The following PPP2R2B variants were observed in gnomAD, a reference collection of about 807,000 sequenced individuals.
PPP2R2B encodes the protein protein phosphatase 2 regulatory subunit Bbeta.
In PPP2R2B, 5 loss-of-function variants were observed where a neutral mutation model predicts 46.0. That is an observed-to-expected ratio of 0.11 (90% CI 0.06 to 0.23). PPP2R2B has a LOEUF of 0.23. PPP2R2B is among the 10% of genes least tolerant of loss of function. PPP2R2B has a pLI of 1.00. For missense variants in PPP2R2B, 367 were observed against 575.0 expected, an observed-to-expected ratio of 0.64 and a Z score of 3.70; for synonymous variants, 215 against 206.7, an observed-to-expected ratio of 1.04 and a Z score of -0.34.
At chr5:146,653,139 A>G (rs1027403312) in intron 5 of PPP2R2B, among the ~76,000 whole-genome samples, 1 of 152,172 alleles carries the variant, frequency 6.6e-6, no homozygotes, top group African/African-American at 2.4e-5. Context: ...GAGAGAGGCT[A>G]AGTCACTGGC....
At chr5:146,792,415 A>G (rs1756257316) in intron 2 of PPP2R2B, among the ~76,000 whole-genome samples, 1 of 152,176 alleles carries the variant, frequency 6.6e-6, no homozygotes, top group Admixed American at 6.5e-5. Flanking sequence ...ACCACTTACT[A>G]TATGCCAAGT....
intron 2 of PPP2R2B, among the ~76,000 whole-genome samples, chr5:146,866,804 T>C (rs1007924941): frequency 2.0e-5 from 3 of 152,134 alleles, no homozygotes; most frequent in African/African-American, 7.2e-5. Flanking sequence ...TTCCTCATGA[T>C]CATAATTACA....
chr5:146,721,012 C>T lies in PPP2R2B; in HGVS notation c.71-19870G>A, dbSNP rs77579066. Reference sequence around the variant, plus strand: ...ACCACTCCAAAATGTTTTAGAGAAACAGATAATTTATTTTTTATTTCTTGA... The same window carrying T: ...ACCACTCCAAAATGTTTTAGAGAAATAGATAATTTATTTTTTATTTCTTGA... On this transcript the variant is annotated intron_variant, in intron 2 of 9. Transcript: ENST00000394411. Among the ~76,000 whole-genome samples the T allele has an allele frequency of 1.0e-3, 153 of 152,274 alleles. 1 individual carries two copies. In the East Asian group the frequency reaches 0.015, roughly 15 times the overall value.
chr5:146,673,995 A>G (rs146862486), intron 5 of PPP2R2B, among the ~76,000 whole-genome samples: 1 of 152,266 alleles, frequency 6.6e-6, no homozygotes, highest in Non-Finnish European at 1.5e-5. Context: ...ATAAACTCTG[A>G]CCATACGACC....
intron 2 of PPP2R2B, among the ~76,000 whole-genome samples, chr5:146,761,397 A>G (rs917664635): frequency 3.3e-5 from 5 of 152,190 alleles, no homozygotes; most frequent in African/African-American, 1.2e-4. Flanking sequence ...CATCATTCTC[A>G]GCAAACTATC....
intron 2 of PPP2R2B, among the ~76,000 whole-genome samples, chr5:147,079,446 A>ATG (rs1491499117): frequency 1.3e-3 from 5 of 3,906 alleles, no homozygotes; most frequent in Non-Finnish European, 4.6e-3. Flanking sequence ...ATATATATAC[A>ATG]TATATATATA....
At chr5:147,016,360 T>TG (rs201476830) in intron 1 of PPP2R2B, among the ~76,000 whole-genome samples, 48 of 151,420 alleles carry the variant, frequency 3.2e-4, no homozygotes, top group African/African-American at 6.0e-4. Context: ...ATAGCAGTTT[T>TG]GGGGGGGACA....
intron 1 of PPP2R2B, among the ~76,000 whole-genome samples, chr5:147,018,470 A>ATG (rs1755114072): frequency 1.3e-5 from 2 of 152,144 alleles, no homozygotes; most frequent in Admixed American, 1.3e-4. Flanking sequence ...TTTTATATAT[A>ATG]TTTTTTAAAA....
In PPP2R2B at chr5:146,775,691, G is replaced by A. The variant is rs552240759; in HGVS notation, c.71-74549C>T. ...GAAAGGAAGAAGTAAAACTATCTTC[G>A]CCTGCAGATGATATGATCTTACATT... On this transcript the variant is annotated intron_variant, in intron 2 of 9. Coordinates refer to ENST00000394411, the MANE Select transcript of PPP2R2B (RefSeq NM_181675.4). 2.6e-5 allele frequency among the ~76,000 whole-genome samples: 4 copies of A among 152,112 alleles called. No homozygotes were observed. In the South Asian group the frequency reaches 6.2e-4, roughly 24 times the overall value.
intron 1 of PPP2R2B, among the ~76,000 whole-genome samples, chr5:147,027,590 G>C (rs1326897970): frequency 2.8e-5 from 4 of 144,298 alleles, no homozygotes; most frequent in African/African-American, 1.0e-4. Flanking sequence ...CCAACATCGC[G>C]CCACTGCACC....
At chr5:146,850,097 T>C (rs964902667) in intron 2 of PPP2R2B, among the ~76,000 whole-genome samples, 2 of 152,190 alleles carry the variant, frequency 1.3e-5, no homozygotes, top group African/African-American at 4.8e-5. Context: ...TGCTAATTTA[T>C]GTCTGGGTAA....
intron 6 of PPP2R2B, among the ~76,000 whole-genome samples, chr5:146,639,816 C>T (rs1775077588): frequency 6.6e-6 from 1 of 152,172 alleles, no homozygotes; most frequent in African/African-American, 2.4e-5. Context: ...TTCATAAAAT[C>T]ATGGGTTTAA....
At chr5:147,025,374 C>CA (rs1755476060) in intron 1 of PPP2R2B, among the ~76,000 whole-genome samples, 1 of 151,384 alleles carries the variant, frequency 6.6e-6, no homozygotes, top group African/African-American at 2.4e-5. Context: ...TAAACTCGCT[C>CA]AAAAAATGGA....
intron 5 of PPP2R2B, among the ~76,000 whole-genome samples, chr5:146,685,885 G>A (rs1013703531): frequency 9.9e-5 from 15 of 151,996 alleles, no homozygotes; most frequent in African/African-American, 2.7e-4. Flanking sequence ...CTCACCCCCC[G>A]CCTTCCACCC....
chr5:146,876,178 A>G (rs927059472), intron 2 of PPP2R2B, among the ~76,000 whole-genome samples: 4 of 152,184 alleles, frequency 2.6e-5, no homozygotes, highest in Non-Finnish European at 4.4e-5. Context: ...ACTCATATCT[A>G]TTTTTGACTA....
At chr5:146,830,758 C>T (rs1437008823) in intron 2 of PPP2R2B, among the ~76,000 whole-genome samples, 1 of 152,174 alleles carries the variant, frequency 6.6e-6, no homozygotes, top group Non-Finnish European at 1.5e-5. Flanking sequence ...AGGTGTGAGC[C>T]ATTGCATCCA....
intron 9 of PPP2R2B, among the ~76,000 whole-genome samples, chr5:146,590,971 C>T (rs2150998956): frequency 6.8e-6 from 1 of 147,462 alleles, no homozygotes; most frequent in African/African-American, 2.7e-5. Context: ...GTTATCCCCT[C>T]TTAGGCATAG....
intron 2 of PPP2R2B, among the ~76,000 whole-genome samples, chr5:146,875,015 G>T (rs1197381917): frequency 6.6e-6 from 1 of 152,176 alleles, no homozygotes; most frequent in East Asian, 1.9e-4. Flanking sequence ...AGAGCTGATG[G>T]TTAAAGGAAA....
At chr5:146,699,940 A>G (rs548392805) in intron 3 of PPP2R2B, among the ~76,000 whole-genome samples, 129 of 152,272 alleles carry the variant, frequency 8.5e-4, no homozygotes, top group African/African-American at 2.9e-3. Flanking sequence ...CTACTTGCCA[A>G]CCACATTTTC....
Sources: gnomAD v4.1 joint callset for allele counts (sites outside exome capture counted in the v4.1 genomes callset) on GRCh38, gnomAD v4.1.1 for gene constraint, MANE v1.5 for transcripts, NCBI Gene and HGNC (gene_info 2026-07-23, HGNC 2026-07-21) for gene names.